Variants in DDX20 observed in about 807,000 individuals in gnomAD.
DDX20 encodes probable ATP-dependent RNA helicase DDX20.
Under a neutral mutation model 76.4 loss-of-function variants are expected in DDX20, and 61 were observed. The observed-to-expected ratio is 0.80, with a 90% CI of 0.65 to 0.99. The LOEUF (loss-of-function observed/expected upper bound fraction) is 0.99. Ranked by LOEUF, DDX20 falls within the 50% of genes least tolerant of loss-of-function variation. The pLI is 0.00. For missense variants in DDX20, 976 were observed against 996.8 expected, an observed-to-expected ratio of 0.98 and a Z score of 0.28; for synonymous variants, 357 against 357.4, an observed-to-expected ratio of 1.00 and a Z score of 0.01.
chr1:111,762,552 T>C (rs376424806), intron 8 of DDX20, 125 bp from the exon 9 acceptor site: 11 of 905,470 alleles, frequency 1.2e-5, no homozygotes, highest in East Asian at 2.5e-5. Context: ...AATTTCCTTT[T>C]CCTCTGCTCC....
In DDX20 at chr1:111,756,151, G is replaced by T; in HGVS notation, c.227G>T (p.Gly76Val). Residue 76 changes from glycine to valine, a missense_variant, in exon 1 of 11, where the codon GGG becomes GTG. By Grantham distance (109) the Gly-to-Val change is moderately radical. Around this residue, in one of 3 missense-constraint regions of DDX20, gnomAD observed 343 missense variants for 286.4 expected, o/e 1.20. Transcript: ENST00000369702. ...CTGCTTTCGCGGCCGGTGCTGGAGG[G>T]GCTGCGGGCGGCCGGCTTCGAGAGG... ...SLLLSRPVLEGLRAAGFERPS... is the reference protein window; with the variant it reads ...SLLLSRPVLEVLRAAGFERPS... 1.3e-6 allele frequency: 2 copies of T among 1,560,602 alleles called. No homozygotes were observed. The highest frequency in any genetic ancestry group is 1.7e-6 in the Non-Finnish European group (2 of 1,161,286).
At position 111,756,096 on chromosome 1, in the gene DDX20, T is replaced by C. The variant is rs1663542887; in HGVS notation, c.172T>C (p.Leu58=). ...GCGGACCCGCACGGGGGATGTGCTG[T>C]TGGCGGAGCCGGCCGACTTCGAGTC... ...SPRTRTGDVL[L]AEPADFESLL... Residue 58 remains leucine, a synonymous_variant, in exon 1 of 11, where the codon TTG becomes CTG. Transcript: ENST00000369702. 2.5e-6 allele frequency: 4 copies of C among 1,602,114 alleles called. No homozygotes were observed. The highest frequency in any genetic ancestry group is 3.4e-6 in the Non-Finnish European group (4 of 1,178,998).
rs1663544270 is a variant in DDX20 at position 111,756,121 on chromosome 1, C to CA, written c.198dup (p.Leu67ThrfsTer41). ...TTGGCGGAGCCGGCCGACTTCGAGT[C>CA]ACTGCTGCTTTCGCGGCCGGTGCTG... On this transcript the variant is annotated frameshift_variant, in exon 1 of 11. Transcript: ENST00000369702. LOFTEE classifies it high-confidence loss of function. 6.3e-7 allele frequency: 1 copy of CA among 1,593,892 alleles called. No individual in the cohort carries two copies. Among genetic ancestry groups the CA allele is most frequent in the Non-Finnish European group, 8.5e-7 (1 of 1,177,194 alleles).
Position 111,755,923 on chromosome 1 carries a change from C to G in DDX20, c.-2C>G, listed in dbSNP as rs766259547. 21 of 1,569,372 alleles carry G rather than the reference C, an allele frequency of 1.3e-5. No individual in the cohort carries two copies. Among genetic ancestry groups the G allele is most frequent in the South Asian group, 1.3e-4 (11 of 86,260 alleles). The stretch of plus-strand genomic sequence containing the variant: ...ACCGCGAGATCTGACGGCGCGGCTA[C>G]CATGGCGGCGGCATTTGAAGCCTCG... On this transcript the variant is annotated 5_prime_UTR_variant, in exon 1 of 11. Coordinates refer to ENST00000369702, the MANE Select transcript of DDX20 (RefSeq NM_007204.5).
chr1:111,757,834 G>C (rs1259856267), intron 2 of DDX20, among the ~76,000 whole-genome samples: 1 of 152,138 alleles, frequency 6.6e-6, no homozygotes, highest in Non-Finnish European at 1.5e-5. Context: ...CAGATAAAAT[G>C]CTGAAATCCT....
At chr1:111,760,930 G>A (rs1663660619) in intron 5 of DDX20, 57 bp from the exon 6 acceptor site, 1 of 1,598,966 alleles carries the variant, frequency 6.3e-7, no homozygotes, top group East Asian at 2.2e-5. Flanking sequence ...TTGTCTTGCT[G>A]TTTCATGGTT....
Position 111,755,984 on chromosome 1 carries a change from T to A in DDX20, c.60T>A (p.Ala20=). The change falls in exon 1 of 11, where the codon GCT becomes GCA. Residue 20 remains alanine (A), a synonymous_variant. Coordinates refer to ENST00000369702, the MANE Select transcript of DDX20 (RefSeq NM_007204.5). The stretch of plus-strand genomic sequence containing the variant: ...CAGCAGTGGCGACTGCTATGCCGGC[T>A]GAGCATGTGGCCGTGCAGGTCCCGG... The part of the protein sequence containing the change: ...ALAAVATAMP[A]EHVAVQVPAP... The A allele has an allele frequency of 6.2e-7, 1 of 1,602,298 alleles. No homozygotes were observed. Among genetic ancestry groups the A allele is most frequent in the Non-Finnish European group, 8.5e-7 (1 of 1,171,970 alleles).
Position 111,766,599 on chromosome 1 carries a change from G to A in DDX20, c.2175G>A (p.Glu725=). Residue 725 remains glutamate, a synonymous_variant, in exon 11 of 11, where the codon GAG becomes GAA. Transcript: ENST00000369702. ...TCCAGATGAAGACAAGACTTAAAGAGGGGGCTAGCCAGAGAGCTAAGCAGA... is the reference window on the plus strand; with the variant it reads ...TCCAGATGAAGACAAGACTTAAAGAAGGGGCTAGCCAGAGAGCTAAGCAGA... The part of the protein sequence containing the change: ...PGIQMKTRLK[E]GASQRAKQSR... 1 of 1,614,176 alleles carries A rather than the reference G, an allele frequency of 6.2e-7. No homozygotes were observed. Among genetic ancestry groups the A allele is most frequent in the Non-Finnish European group, 8.5e-7 (1 of 1,180,022 alleles).
chr1:111,764,427 G>A (rs756455142), intron 10 of DDX20, among the ~76,000 whole-genome samples: 1 of 152,190 alleles, frequency 6.6e-6, no homozygotes, highest in Non-Finnish European at 1.5e-5. Context: ...AGATCTGGGA[G>A]TTCTATGTAT....
At position 111,766,697 on chromosome 1, in the gene DDX20, G is replaced by A. The variant is rs1663788911; in HGVS notation, c.2273G>A (p.Cys758Tyr). Residue 758 changes from cysteine (C) to tyrosine (Y), a missense_variant, in exon 11 of 11, where the codon TGT (cysteine) becomes TAT (tyrosine). Cys to Tyr is a radical substitution (Grantham distance 194). Coordinates refer to ENST00000369702, the MANE Select transcript of DDX20 (RefSeq NM_007204.5). ...GCCCAGGAAGATGATTGGTATGACT[G>A]TCATAGGGAAATACGTCTGAGTTTT... is the stretch of plus-strand genomic sequence containing the variant. ...TEAQEDDWYD[C>Y]HREIRLSFSD... is the part of the protein sequence containing the mutation. The A allele has an allele frequency of 6.2e-7, 1 of 1,614,052 alleles. No individual in the cohort carries two copies. The highest frequency in any genetic ancestry group is 1.3e-5 in the African/African-American group (1 of 74,926).
At chr1:111,763,932 C>T (rs776933312) in intron 10 of DDX20, among the ~76,000 whole-genome samples, 1 of 152,026 alleles carries the variant, frequency 6.6e-6, no homozygotes, top group Non-Finnish European at 1.5e-5. Context: ...TTTTGACGTG[C>T]ATGTTATACA....
intron 10 of DDX20, among the ~76,000 whole-genome samples, chr1:111,764,945 TCAAGAG>T (rs1200690284): frequency 1.3e-5 from 2 of 152,210 alleles, no homozygotes; most frequent in African/African-American, 4.8e-5. Context: ...CAGCAAAGGA[TCAAGAG>T]ACTTCATTGA....
chr1:111,756,781 G>T, intron 2 of DDX20, 41 bp downstream of exon 2: 1 of 1,502,784 alleles, frequency 6.7e-7, no homozygotes, highest in South Asian at 1.1e-5. Flanking sequence ...GTGTTTTGTG[G>T]ACTTTACCAC....
chr1:111,757,665 T>C (rs1040314821), intron 2 of DDX20, among the ~76,000 whole-genome samples: 7 of 152,208 alleles, frequency 4.6e-5, no homozygotes, highest in Admixed American at 1.3e-4. Context: ...AACCCAGATA[T>C]CCATGTTCAT....
rs184524456 is a variant in DDX20 at position 111,764,050 on chromosome 1, C to T, written c.1312+1043C>T. On this transcript the variant is annotated intron_variant, in intron 10 of 10. Transcript: ENST00000369702. ...ATGCCAGCACTTTGGGAGGCTGAGGCGGGCGGATGACGAGGTCAGGAGATC... is the reference window on the plus strand; with the variant it reads ...ATGCCAGCACTTTGGGAGGCTGAGGTGGGCGGATGACGAGGTCAGGAGATC... 3.2e-3 allele frequency among the ~76,000 whole-genome samples: 492 copies of T among 152,056 alleles called. 4 individuals carry two copies. Among genetic ancestry groups the T allele is most frequent in the African/African-American group, 0.011 (468 of 41,460 alleles).
At chr1:111,761,422 A>G (rs946240356) in intron 7 of DDX20, 138 bp downstream of exon 7, 10 of 649,588 alleles carry the variant, frequency 1.5e-5, no homozygotes, top group Non-Finnish European at 2.5e-6. Flanking sequence ...AGGAATTTTC[A>G]GGCTTATTTT....
chr1:111,761,393 C>T, intron 7 of DDX20, 109 bp downstream of exon 7: 1 of 837,700 alleles, frequency 1.2e-6, no homozygotes, highest in Non-Finnish European at 1.8e-6. Flanking sequence ...GTGAAATTAT[C>T]TTGTATCTTT....
At position 111,761,449 on chromosome 1, in the gene DDX20, T is replaced by C. The variant is rs982279694; in HGVS notation, c.1021+165T>C. On this transcript the variant is annotated intron_variant, in intron 7 of 10. Coordinates refer to ENST00000369702, the MANE Select transcript of DDX20 (RefSeq NM_007204.5). ...GCTTATTTTTCATTGGAATTTGATA[T>C]GTCAATATTCTATTTTTAAGGAGTA... is the stretch of plus-strand genomic sequence containing the variant. 12 of 578,846 alleles carry C rather than the reference T, an allele frequency of 2.1e-5. No homozygotes were observed. In the East Asian group the frequency reaches 3.6e-4, roughly 17 times the overall value. The allele number at this position is 578,846 out of a possible 1,614,324, so 35.9% of individuals were successfully genotyped here.
At position 111,759,314 on chromosome 1, in the gene DDX20, AAT is replaced by A. The variant is rs147891686; in HGVS notation, c.397-82_397-81del. ...TCATTTGAAATGATCATTTAAATGAAATATAGTGTGTCATGTAATGAATATAC... is the reference window on the plus strand; with the variant it reads ...TCATTTGAAATGATCATTTAAATGAAATAGTGTGTCATGTAATGAATATAC... On this transcript the variant is annotated intron_variant, in intron 2 of 10. Transcript: ENST00000369702. 2.6e-3 allele frequency: 2,532 copies of A among 972,162 alleles called. 37 individuals carry two copies. The African/African-American group carries it at 0.038, about 15-fold the overall frequency. 60.2% of individuals were successfully genotyped at this position (972,162 alleles called of 1,614,324 possible). A position where few individuals can be genotyped will look rare whatever the true frequency, so the allele number is the denominator to read the frequency against.
Sources: gnomAD v4.1 joint callset for allele counts (sites outside exome capture counted in the v4.1 genomes callset) on GRCh38, gnomAD v4.1.1 for gene constraint, gnomAD v4.1.1 regional missense constraint, MANE v1.5 for transcripts, NCBI Gene and HGNC (gene_info 2026-07-23, HGNC 2026-07-21) for gene names.